DMGDH: variants seen among roughly 807,000 people sequenced by gnomAD.
DMGDH encodes dimethylglycine dehydrogenase.
Under a neutral mutation model 95.2 loss-of-function variants are expected in DMGDH, and 76 were observed. That is an observed-to-expected ratio of 0.80 (90% CI 0.66 to 0.97). The LOEUF (loss-of-function observed/expected upper bound fraction) is 0.97, where lower values mean the gene tolerates loss of function less well. DMGDH is among the 50% of genes least tolerant of loss of function. The probability of loss-of-function intolerance (pLI) is 0.00; values close to 1 mark genes in which losing one functional copy is unlikely to be tolerated. For synonymous variants in DMGDH, 345 were observed against 377.6 expected, an observed-to-expected ratio of 0.91 and a Z score of 1.00; for missense variants, 987 against 1,055.0, an observed-to-expected ratio of 0.94 and a Z score of 0.89.
chr5:79,047,635 G>A (rs1430429884), intron 5 of DMGDH, among the ~76,000 whole-genome samples: 1 of 152,172 alleles, frequency 6.6e-6, no homozygotes, highest in African/African-American at 2.4e-5. Context: ...AAAGGGTAGA[G>A]TGAAGCCAAT....
intron 14 of DMGDH, among the ~76,000 whole-genome samples, chr5:79,019,599 G>T (rs1423322712): frequency 4.6e-5 from 7 of 152,064 alleles, no homozygotes; most frequent in Non-Finnish European, 1.0e-4. Context: ...AGAATAGATT[G>T]TTGGGCCAAG....
intron 9 of DMGDH, among the ~76,000 whole-genome samples, chr5:79,031,744 G>T (rs1455342702): frequency 6.6e-6 from 1 of 152,210 alleles, no homozygotes; most frequent in African/African-American, 2.4e-5. Context: ...CTTCAGAGCA[G>T]GATGCTATGT....
chr5:79,003,820 A>C (rs1241363968), intron 15 of DMGDH, among the ~76,000 whole-genome samples: 1 of 152,032 alleles, frequency 6.6e-6, no homozygotes. Context: ...GGTGGCACGC[A>C]CCTGTAAACC....
intron 3 of DMGDH, among the ~76,000 whole-genome samples, chr5:79,054,842 G>A (rs544685305): frequency 2.0e-5 from 3 of 152,240 alleles, no homozygotes; most frequent in Non-Finnish European, 4.4e-5. Flanking sequence ...CTCAGTTACA[G>A]AGATAAAAGA....
In DMGDH at chr5:79,033,221, A is replaced by G. The variant is rs1367330908; in HGVS notation, c.1363+18T>C. 4 of 1,614,012 alleles carry G rather than the reference A, an allele frequency of 2.5e-6. No individual in the cohort carries two copies. The highest frequency in any genetic ancestry group is 1.7e-5 in the Admixed American group (1 of 60,030). On this transcript the variant is annotated intron_variant, in intron 8 of 15. Transcript: ENST00000255189. ...ATTCCGTCAACACTTTGTAGACAAC[A>G]GTACATTTGTACCTTACCAATATTG... is the stretch of plus-strand genomic sequence containing the variant.
At chr5:79,027,843 T>TC (rs1754043645) in intron 12 of DMGDH, among the ~76,000 whole-genome samples, 1 of 126,276 alleles carries the variant, frequency 7.9e-6, no homozygotes, top group African/African-American at 2.9e-5. Context: ...CACTTTTCTT[T>TC]TTTTTTTTTT....
At position 79,028,578 on chromosome 5, in the gene DMGDH, A is replaced by G. The variant is rs374552861; in HGVS notation, c.1887T>C (p.Val629=). 1.2e-6 allele frequency: 2 copies of G among 1,614,026 alleles called. No individual in the cohort carries two copies. Among genetic ancestry groups the G allele is most frequent in the African/African-American group, 2.7e-5 (2 of 74,916 alleles). The change falls in exon 12 of 16, where the codon GTT becomes GTC. Residue 629 remains valine, a synonymous_variant. Transcript: ENST00000255189. ...TTGCCTGTGGCCCAGCAACTCCAAGAACTCCAAGCTCATCAGTTATGTTTT... is the reference window on the plus strand; with the variant it reads ...TTGCCTGTGGCCCAGCAACTCCAAGGACTCCAAGCTCATCAGTTATGTTTT... ...EIKNITDELG[V]LGVAGPQARK...
chr5:79,065,812 A>T (rs1755361169), intron 1 of DMGDH, among the ~76,000 whole-genome samples: 1 of 152,184 alleles, frequency 6.6e-6, no homozygotes, highest in African/African-American at 2.4e-5. Context: ...TGACATTATG[A>T]CAGCTATGAC....
At chr5:79,005,131 G>T in intron 15 of DMGDH, 142 bp downstream of exon 15, 1 of 1,141,962 alleles carries the variant, frequency 8.8e-7, no homozygotes, top group Non-Finnish European at 1.3e-6. Flanking sequence ...TCTGTCTTTT[G>T]AATGTCAGCT....
chr5:79,024,429 T>G, intron 13 of DMGDH, 99 bp from the exon 14 acceptor site: 1 of 1,171,242 alleles, frequency 8.5e-7, no homozygotes, highest in Non-Finnish European at 1.3e-6. Flanking sequence ...CCTTTTTGAT[T>G]TTTCAACACA....
At chr5:79,052,181 T>C (rs1754887958) in intron 4 of DMGDH, among the ~76,000 whole-genome samples, 2 of 152,220 alleles carry the variant, frequency 1.3e-5, no homozygotes, top group South Asian at 4.1e-4. Flanking sequence ...TACTGCATAA[T>C]CTGTTTTATA....
Position 79,033,398 on chromosome 5 carries a change from T to C in DMGDH, c.1204A>G (p.Ile402Val). The C allele has an allele frequency of 6.2e-7, 1 of 1,614,144 alleles. No individual in the cohort carries two copies. The highest frequency in any genetic ancestry group is 2.2e-5 in the East Asian group (1 of 44,882). The part of the protein sequence containing the change: ...WVAIGFGYGI[I>V]HAGGVGKYLS... ...TATTTCCCTACCCCACCAGCGTGGA[T>C]TATGCCATATCTTTCAAATACAGGG... Residue 402 changes from isoleucine (I) to valine (V), a missense_variant, in exon 8 of 16, where the codon ATC becomes GTC. Ile to Val is a conservative substitution (Grantham distance 29). Transcript: ENST00000255189.
At chr5:79,020,568 T>G in intron 14 of DMGDH, 1 of 759,340 alleles carries the variant, frequency 1.3e-6, no homozygotes, top group Non-Finnish European at 1.6e-6. Context: ...TTTACCAGCT[T>G]TTTTGGGTTG....
At chr5:79,013,775 G>C (rs1753684975) in intron 14 of DMGDH, among the ~76,000 whole-genome samples, 1 of 152,164 alleles carries the variant, frequency 6.6e-6, no homozygotes, top group South Asian at 2.1e-4. Context: ...GGCAGGAGCA[G>C]GAGCAAGAGA....
chr5:79,063,815 C>A (rs1401293647), intron 1 of DMGDH, 28 bp from the exon 2 acceptor site: 1 of 1,611,576 alleles, frequency 6.2e-7, no homozygotes, highest in Non-Finnish European at 8.5e-7. Flanking sequence ...AAAATGGGAA[C>A]TTCAATCGGC....
At chr5:79,055,622 A>G (rs993739147) in intron 3 of DMGDH, among the ~76,000 whole-genome samples, 188 bp downstream of exon 3, 1 of 152,256 alleles carries the variant, frequency 6.6e-6, no homozygotes, top group African/African-American at 2.4e-5. Flanking sequence ...CATGAATAAT[A>G]TACTTTGAGA....
chr5:79,045,745 G>A (rs992101530), intron 5 of DMGDH, among the ~76,000 whole-genome samples: 3 of 152,224 alleles, frequency 2.0e-5, no homozygotes, highest in Admixed American at 2.0e-4. Flanking sequence ...TTTCTTTAGG[G>A]GTTACACAAT....
intron 11 of DMGDH, 66 bp from the exon 12 acceptor site, chr5:79,028,716 C>G (rs1158833781): frequency 1.3e-6 from 2 of 1,510,862 alleles, no homozygotes; most frequent in Admixed American, 1.7e-5. Flanking sequence ...AATAAATTAT[C>G]TCTCTGAAGA....
At chr5:79,045,601 A>C (rs1050464786) in intron 5 of DMGDH, among the ~76,000 whole-genome samples, 3 of 152,200 alleles carry the variant, frequency 2.0e-5, no homozygotes, top group African/African-American at 7.2e-5. Flanking sequence ...AAAATAATAA[A>C]AATGCTTATT....
Sources: allele counts gnomAD v4.1 joint callset (sites outside exome capture counted in the v4.1 genomes callset), GRCh38; gene constraint gnomAD v4.1.1; transcripts MANE v1.5; gene names NCBI Gene and HGNC (gene_info 2026-07-23, HGNC 2026-07-21).